Variants in CDK13 observed in about 807,000 individuals in gnomAD.
CDK13 encodes cyclin dependent kinase 13, also known as cyclin-dependent kinase 13.
A neutral mutation model predicts 137.6 loss-of-function variants in CDK13; 40 were observed. That is an observed-to-expected ratio of 0.29 (90% CI 0.23 to 0.38). The LOEUF is 0.38. Among genes scored for constraint, CDK13 ranks in the 10% least tolerant of loss-of-function variants. The pLI, the probability that CDK13 is intolerant of heterozygous loss-of-function variation, is 1.00. For missense variants in CDK13, 1,704 were observed against 1,951.8 expected, an observed-to-expected ratio of 0.87 and a Z score of 2.39; for synonymous variants, 869 against 760.1, an observed-to-expected ratio of 1.14 and a Z score of -2.36.
At chr7:40,049,451 C>G (rs1785831481) in intron 7 of CDK13, among the ~76,000 whole-genome samples, 1 of 150,708 alleles carries the variant, frequency 6.6e-6, no homozygotes, top group Non-Finnish European at 1.5e-5. Context: ...AGCTCAAAAG[C>G]TATGTCCCTC....
chr7:40,062,880 A>G lies in CDK13; in HGVS notation c.2655A>G (p.Leu885=). ...TATGGTACCGTCCACCTGAACTGCT[A>G]CTGGGAGAAGAACGATACACACCAG... ...ITLWYRPPEL[L]LGEERYTPAI... Residue 885 remains leucine (L), a synonymous_variant, in exon 8 of 14, where the codon CTA becomes CTG. Coordinates refer to ENST00000181839, the MANE Select transcript of CDK13 (RefSeq NM_003718.5). 6.2e-7 allele frequency: 1 copy of G among 1,614,060 alleles called. No homozygotes were observed. Among genetic ancestry groups the G allele is most frequent in the Non-Finnish European group, 8.5e-7 (1 of 1,179,920 alleles).
chr7:39,992,301 A>G (rs896794948), intron 2 of CDK13, among the ~76,000 whole-genome samples: 1 of 151,900 alleles, frequency 6.6e-6, no homozygotes, highest in Non-Finnish European at 1.5e-5. Context: ...GGGTTCAAGC[A>G]GTTCCCCTGC....
intron 5 of CDK13, among the ~76,000 whole-genome samples, chr7:40,011,156 A>G (rs1784886166): frequency 6.6e-6 from 1 of 152,226 alleles, no homozygotes; most frequent in Admixed American, 6.5e-5. Context: ...ATTCATATGC[A>G]AATTCAAAGG....
rs12667001 is a variant in CDK13 at position 40,025,049 on chromosome 7, C to G, written c.2354-20787C>G. On this transcript the variant is annotated intron_variant, in intron 5 of 13. Transcript: ENST00000181839. ...AGATCTTAGCTTCAGATAGCTACAG[C>G]TATTCACTAGGTATCTCAATGTTCA... 1.8e-3 allele frequency among the ~76,000 whole-genome samples: 274 copies of G among 152,290 alleles called. 10 individuals carry two copies. The East Asian group carries it at 0.042, about 23-fold the overall frequency.
rs187256530 is a variant in CDK13, at chr7:39,991,654, T to C, written c.1871+3396T>C. Among the ~76,000 whole-genome samples the C allele has an allele frequency of 1.7e-3, 265 of 152,220 alleles. 1 individual carries two copies. The highest frequency in any genetic ancestry group is 6.0e-3 in the African/African-American group (250 of 41,552). On this transcript the variant is annotated intron_variant, in intron 2 of 13. Coordinates refer to ENST00000181839, the MANE Select transcript of CDK13 (RefSeq NM_003718.5). ...AAAATATTCAAGCACTTAGAAAAAT[T>C]GAAATAATAATACAATTAGCATCTG...
In CDK13 at chr7:39,950,422, G is replaced by C; in HGVS notation, c.-220G>C. 1 of 1,231,850 alleles carries C rather than the reference G, an allele frequency of 8.1e-7. No individual in the cohort carries two copies. Among genetic ancestry groups the C allele is most frequent in the South Asian group, 4.0e-5 (1 of 25,140 alleles). The allele number at this position is 1,231,850 out of a possible 1,614,324, so 76.3% of individuals were successfully genotyped here. A position where few individuals can be genotyped will look rare whatever the true frequency, so the allele number is the denominator to read the frequency against. On this transcript the variant is annotated 5_prime_UTR_variant, in exon 1 of 14. Transcript: ENST00000181839. ...GCGCAATCGGGAGCTCCGCCGCCCG[G>C]ATTCCTGCTTCCCTGGGGCCCGGAG... is the stretch of plus-strand genomic sequence containing the variant.
At chr7:39,988,303 G>GT in intron 2 of CDK13, 45 bp downstream of exon 2, 1 of 1,480,132 alleles carries the variant, frequency 6.8e-7, no homozygotes, top group Non-Finnish European at 9.1e-7. Flanking sequence ...AAGAAAAAAT[G>GT]TAAGTCTGAA....
At chr7:40,071,300 C>T (rs1226525219) in intron 9 of CDK13, 1 of 152,098 alleles carries the variant, frequency 6.6e-6, no homozygotes, top group African/African-American at 2.4e-5. Context: ...TTCATTTTAA[C>T]ATAATAATGT....
chr7:40,070,956 T>A (rs552126826), intron 9 of CDK13: 1 of 152,320 alleles, frequency 6.6e-6, no homozygotes, highest in African/African-American at 2.4e-5. Context: ...AAATTGAAAG[T>A]AGATTAGAAT....
At chr7:39,971,353 C>T (rs1235196569) in intron 1 of CDK13, among the ~76,000 whole-genome samples, 1 of 151,596 alleles carries the variant, frequency 6.6e-6, no homozygotes, top group Non-Finnish European at 1.5e-5. Context: ...CCCATCTCTG[C>T]TAAGGGTACA....
chr7:40,095,132 A>G lies in CDK13; in HGVS notation c.*152A>G. 1.7e-6 allele frequency: 1 copy of G among 596,344 alleles called. No individual in the cohort carries two copies. The highest frequency in any genetic ancestry group is 2.5e-6 in the Non-Finnish European group (1 of 398,586). 36.9% of individuals were successfully genotyped at this position (596,344 alleles called of 1,614,324 possible). A position where few individuals can be genotyped will look rare whatever the true frequency, so the allele number is the denominator to read the frequency against. ...GGTCTTGCATACAATAGTTTAAAAA[A>G]GACAAAAAAAACCTTTGCTTAAATT... On this transcript the variant is annotated 3_prime_UTR_variant, in exon 14 of 14. Coordinates refer to ENST00000181839, the MANE Select transcript of CDK13 (RefSeq NM_003718.5).
chr7:39,955,409 A>G (rs976983683), intron 1 of CDK13, among the ~76,000 whole-genome samples: 1 of 152,142 alleles, frequency 6.6e-6, no homozygotes, highest in African/African-American at 2.4e-5. Flanking sequence ...TTTGGTTACA[A>G]TATGAAGGTG....
intron 9 of CDK13, among the ~76,000 whole-genome samples, chr7:40,065,179 A>C (rs915889416): frequency 1.3e-5 from 2 of 151,978 alleles, no homozygotes; most frequent in African/African-American, 4.8e-5. Flanking sequence ...GGGCATTTAC[A>C]AAAGTTAGTT....
chr7:40,090,959 C>T (rs924394285), intron 12 of CDK13, among the ~76,000 whole-genome samples: 9 of 152,034 alleles, frequency 5.9e-5, no homozygotes, highest in African/African-American at 9.7e-5. Context: ...GCCTGTAATC[C>T]CAGCACTTTG....
At chr7:40,036,198 A>T (rs1186574558) in intron 5 of CDK13, among the ~76,000 whole-genome samples, 2 of 150,744 alleles carry the variant, frequency 1.3e-5, no homozygotes, top group African/African-American at 5.0e-5. Context: ...ACACACACAC[A>T]TATAAAACCT....
chr7:40,071,547 A>G (rs890102708), intron 9 of CDK13: 3 of 152,208 alleles, frequency 2.0e-5, no homozygotes, highest in African/African-American at 7.2e-5. Context: ...AATATTTTAT[A>G]GTGTACTATA....
intron 9 of CDK13, among the ~76,000 whole-genome samples, chr7:40,074,948 T>A (rs1447543742): frequency 1.3e-5 from 2 of 151,892 alleles, no homozygotes; most frequent in African/African-American, 2.4e-5. Flanking sequence ...AAGATAGAAA[T>A]ATTAAGCATT....
intron 1 of CDK13, among the ~76,000 whole-genome samples, chr7:39,956,407 A>G (rs1434551369): frequency 3.9e-5 from 6 of 152,088 alleles, no homozygotes; most frequent in Non-Finnish European, 4.4e-5. Context: ...TAACGCTAAT[A>G]TTTATTTCTT....
chr7:40,092,769 A>G lies in CDK13; in HGVS notation c.3236-16A>G. The G allele has an allele frequency of 6.3e-7, 1 of 1,596,758 alleles. No homozygotes were observed. The highest frequency in any genetic ancestry group is 8.6e-7 in the Non-Finnish European group (1 of 1,166,626). ...GTGAATTATGACAGTTCTAATTAAT[A>G]TAATTTTGTCTTTAGTAAAAACAGG... On this transcript the variant is annotated splice_polypyrimidine_tract_variant and intron_variant, in intron 12 of 13. Transcript: ENST00000181839.
Sources: allele counts gnomAD v4.1 joint callset (sites outside exome capture counted in the v4.1 genomes callset), GRCh38; gene constraint gnomAD v4.1.1; transcripts MANE v1.5; gene names NCBI Gene and HGNC (gene_info 2026-07-23, HGNC 2026-07-21).